DRC9: variants seen among roughly 807,000 people sequenced by gnomAD.
DRC9 encodes dynein regulatory complex protein 9.
At chr3:197,922,743 AATAT>A in the DRC9 span, among the ~76,000 whole-genome samples, 51 of 150,980 alleles carry the variant, frequency 3.4e-4, no homozygotes, top group East Asian at 4.8e-3. Flanking sequence ...TAAATAAATA[AATAT>A]CTTCTATTTT....
chr3:197,943,933 T>A, the DRC9 span: 1 of 1,614,168 alleles, frequency 6.2e-7, no homozygotes, highest in South Asian at 1.1e-5. Flanking sequence ...ATGATTTCTA[T>A]GTCTGTTTCT....
chr3:197,911,784 C>T, the DRC9 span, among the ~76,000 whole-genome samples: 2 of 151,718 alleles, frequency 1.3e-5, no homozygotes, highest in Non-Finnish European at 2.9e-5. Context: ...GGATTACAGG[C>T]GCCCGCCACC....
chr3:197,921,509 T>C, the DRC9 span, among the ~76,000 whole-genome samples: 2 of 142,520 alleles, frequency 1.4e-5, no homozygotes, highest in African/African-American at 2.7e-5. Context: ...TTCTTCTTGG[T>C]CGACCCGACT....
chr3:197,917,789 G>C, the DRC9 span, among the ~76,000 whole-genome samples: 1 of 151,354 alleles, frequency 6.6e-6, no homozygotes, highest in Non-Finnish European at 1.5e-5. Flanking sequence ...GGAGTGCAGT[G>C]GTGCGATCTT....
chr3:197,912,838 C>A, the DRC9 span: 1 of 1,016,560 alleles, frequency 9.8e-7, no homozygotes, highest in African/African-American at 1.6e-5. Flanking sequence ...CGGTCGGTAG[C>A]TGAGGCTCCC....
At chr3:197,948,526 C>T in the DRC9 span, among the ~76,000 whole-genome samples, 1 of 152,282 alleles carries the variant, frequency 6.6e-6, no homozygotes, top group Admixed American at 6.5e-5. Flanking sequence ...ATTTGTGGAA[C>T]GAATAATACA....
chr3:197,954,342 T>G, the DRC9 span: 1 of 646,906 alleles, frequency 1.5e-6, no homozygotes, highest in South Asian at 1.9e-5. Context: ...TTTTGTTTTT[T>G]TTTTGGGGGG....
At chr3:197,941,053 C>A in the DRC9 span, among the ~76,000 whole-genome samples, 22 of 152,062 alleles carry the variant, frequency 1.4e-4, no homozygotes, top group Non-Finnish European at 2.4e-4. Flanking sequence ...GCAAATTACT[C>A]TTTTCAAAGG....
At chr3:197,959,975 T>A in the DRC9 span, 2 of 547,178 alleles carry the variant, frequency 3.7e-6, no homozygotes, top group Non-Finnish European at 6.5e-6. Flanking sequence ...GACACCCACA[T>A]ACGGCCAACG....
the DRC9 span, among the ~76,000 whole-genome samples, chr3:197,933,215 G>A: frequency 6.6e-6 from 1 of 151,430 alleles, no homozygotes. Context: ...TGTAATCCCA[G>A]CACTTTGGGA....
the DRC9 span, among the ~76,000 whole-genome samples, chr3:197,923,979 T>C: frequency 6.6e-6 from 1 of 151,870 alleles, no homozygotes; most frequent in Admixed American, 6.6e-5. Context: ...GGTGGGAGAA[T>C]TGCTTGAGCG....
the DRC9 span, among the ~76,000 whole-genome samples, chr3:197,944,254 C>CT: frequency 0.11 from 15,148 of 143,996 alleles, 1,851 homozygotes; most frequent in African/African-American, 0.3. Context: ...ACAACTTACT[C>CT]TTTTTTTTTT....
the DRC9 span, chr3:197,943,831 T>C: frequency 6.2e-7 from 1 of 1,614,182 alleles, no homozygotes; most frequent in Non-Finnish European, 8.5e-7. Flanking sequence ...TAGTTCAGAA[T>C]AGAGAGCTGG....
chr3:197,946,061 C>G, the DRC9 span, among the ~76,000 whole-genome samples: 2 of 152,176 alleles, frequency 1.3e-5, no homozygotes, highest in African/African-American at 4.8e-5. Flanking sequence ...AATTAGGTCA[C>G]TCAATTCATC....
At chr3:197,942,679 A>G in the DRC9 span, among the ~76,000 whole-genome samples, 10 of 151,984 alleles carry the variant, frequency 6.6e-5, no homozygotes, top group East Asian at 1.5e-3. Flanking sequence ...GCACTTTGGG[A>G]GGCCGAGGTG....
At chr3:197,945,688 T>C in the DRC9 span, 4 of 1,249,500 alleles carry the variant, frequency 3.2e-6, no homozygotes, top group Admixed American at 8.8e-5. Flanking sequence ...TGCAGTTACC[T>C]AAAATGGGAA....
chr3:197,934,189 T>G, the DRC9 span, among the ~76,000 whole-genome samples: 1 of 142,858 alleles, frequency 7.0e-6, no homozygotes, highest in Non-Finnish European at 1.5e-5. Flanking sequence ...GGGTCTTTTT[T>G]TTTTTTTTTT....
chr3:197,913,363 T>TGCGTGC, the DRC9 span: 1 of 256,616 alleles, frequency 3.9e-6, no homozygotes, highest in Non-Finnish European at 7.5e-6. Flanking sequence ...CGTGCGTGCG[T>TGCGTGC]GTGTGCCATT....
the DRC9 span, among the ~76,000 whole-genome samples, chr3:197,924,669 A>G: frequency 1.1e-4 from 16 of 152,222 alleles, no homozygotes; most frequent in Non-Finnish European, 2.2e-4. Context: ...ACAGGTGCGC[A>G]CCACCACACC....
Sources: allele counts gnomAD v4.1 joint callset (sites outside exome capture counted in the v4.1 genomes callset), GRCh38; gene constraint gnomAD v4.1.1; transcripts MANE v1.5; gene names NCBI Gene and HGNC (gene_info 2026-07-23, HGNC 2026-07-21).